Variants in DYNLRB1 observed in about 807,000 individuals in gnomAD.
DYNLRB1 encodes ROBL/LC7-like 1.
DYNLRB1 carries 6 observed loss-of-function variants against 13.5 expected under a neutral mutation model. The ratio of observed to expected loss-of-function variants is 0.44; its 90% CI spans 0.24 to 0.88. The LOEUF (loss-of-function observed/expected upper bound fraction) is 0.88, where lower values mean the gene tolerates loss of function less well. DYNLRB1 is among the 40% of genes least tolerant of loss of function. The pLI is 0.21. For synonymous variants in DYNLRB1, 43 were observed against 45.0 expected, an observed-to-expected ratio of 0.96 and a Z score of 0.18; for missense variants, 93 against 127.2, an observed-to-expected ratio of 0.73 and a Z score of 1.29.
At chr20:34,526,428 C>A in intron 2 of DYNLRB1, 85 bp downstream of exon 2, 1 of 1,353,452 alleles carries the variant, frequency 7.4e-7, no homozygotes, top group Non-Finnish European at 1.0e-6. Context: ...GTTCACTAAG[C>A]CCTTCATGAA....
intron 3 of DYNLRB1, chr20:34,535,558 C>T: frequency 1.1e-6 from 1 of 872,986 alleles, no homozygotes; most frequent in Non-Finnish European, 1.4e-6. Flanking sequence ...CGCTCTCACT[C>T]ATGGACTGGG....
intron 1 of DYNLRB1, among the ~76,000 whole-genome samples, chr20:34,525,522 T>C (rs1023725695): frequency 2.0e-4 from 30 of 152,052 alleles, no homozygotes; most frequent in Non-Finnish European, 2.9e-5. Context: ...ATGTCTTAGA[T>C]GGTCAAGAGG....
At chr20:34,517,840 G>A (rs2146609823) in intron 1 of DYNLRB1, among the ~76,000 whole-genome samples, 1 of 151,838 alleles carries the variant, frequency 6.6e-6, no homozygotes, top group African/African-American at 2.4e-5. Context: ...GTGTTAGTCC[G>A]CCTCAACACG....
At chr20:34,540,079 A>G (rs1193235186) in intron 3 of DYNLRB1, among the ~76,000 whole-genome samples, 1 of 152,256 alleles carries the variant, frequency 6.6e-6, no homozygotes, top group Non-Finnish European at 1.5e-5. Flanking sequence ...ACCTTAAGCC[A>G]GTGGTCCTCC....
intron 1 of DYNLRB1, among the ~76,000 whole-genome samples, chr20:34,518,835 T>TA (rs1979482277): frequency 6.6e-6 from 1 of 152,174 alleles, no homozygotes; most frequent in African/African-American, 2.4e-5. Flanking sequence ...GAACCTGTAT[T>TA]ATGCTACTCC....
intron 2 of DYNLRB1, among the ~76,000 whole-genome samples, chr20:34,528,343 A>C (rs1163139312): frequency 6.6e-6 from 1 of 150,556 alleles, no homozygotes. Flanking sequence ...AAAAAAAAAA[A>C]ACTACCCTAC....
chr20:34,540,661 A>C lies in DYNLRB1; in HGVS notation c.*37A>C, dbSNP rs1321932346. On this transcript the variant is annotated 3_prime_UTR_variant, in exon 4 of 4. Coordinates refer to ENST00000357156, the MANE Select transcript of DYNLRB1 (RefSeq NM_014183.4). ...GGCTCCCTGTGTCATTCCTTAATTT[A>C]ATGCCCCCCAAGAATGTTAATGTCA... 1 of 1,601,390 alleles carries C rather than the reference A, an allele frequency of 6.2e-7. No homozygotes were observed. The highest frequency in any genetic ancestry group is 8.5e-7 in the Non-Finnish European group (1 of 1,169,864).
chr20:34,536,971 C>A (rs1234682686), intron 3 of DYNLRB1, among the ~76,000 whole-genome samples: 1 of 152,144 alleles, frequency 6.6e-6, no homozygotes, highest in Non-Finnish European at 1.5e-5. Context: ...AAGCTCCTGG[C>A]CATTCAGGTC....
intron 3 of DYNLRB1, chr20:34,536,366 G>T (rs1381455962): frequency 1.0e-6 from 1 of 985,250 alleles, no homozygotes; most frequent in Non-Finnish European, 1.2e-6. Context: ...TGGGTTGGGG[G>T]AAAAAGCCTT....
At chr20:34,521,685 A>G (rs1979730130) in intron 1 of DYNLRB1, among the ~76,000 whole-genome samples, 1 of 152,164 alleles carries the variant, frequency 6.6e-6, no homozygotes, top group South Asian at 2.1e-4. Flanking sequence ...GAATTGGGGA[A>G]CCTTGTCTCC....
Position 34,526,349 on chromosome 20 carries a change from C to T in DYNLRB1, c.79+6C>T. ...CATCGTCGTGAACACAGAAGGTACGCCCTCCCTCCCGCCATGACCCGCACC... is the reference window on the plus strand; with the variant it reads ...CATCGTCGTGAACACAGAAGGTACGTCCTCCCTCCCGCCATGACCCGCACC... On this transcript the variant is annotated splice_donor_region_variant and intron_variant, in intron 2 of 3. Coordinates refer to ENST00000357156, the MANE Select transcript of DYNLRB1 (RefSeq NM_014183.4). 6.2e-7 allele frequency: 1 copy of T among 1,613,550 alleles called. No homozygotes were observed. Among genetic ancestry groups the T allele is most frequent in the Non-Finnish European group, 8.5e-7 (1 of 1,179,816 alleles).
chr20:34,532,075 T>C (rs1980757381), intron 2 of DYNLRB1, among the ~76,000 whole-genome samples: 1 of 152,190 alleles, frequency 6.6e-6, no homozygotes, highest in Non-Finnish European at 1.5e-5. Context: ...CCCAGGGCTC[T>C]ACCTGGGCTC....
At chr20:34,540,408 TA>T (rs1325884893) in intron 3 of DYNLRB1, among the ~76,000 whole-genome samples, 172 bp from the exon 4 acceptor site, 1 of 152,232 alleles carries the variant, frequency 6.6e-6, no homozygotes, top group Non-Finnish European at 1.5e-5. Context: ...GCAGGAATCT[TA>T]AAGGTTTATC....
intron 1 of DYNLRB1, chr20:34,516,757 T>C (rs949510422): frequency 4.5e-6 from 7 of 1,549,598 alleles, no homozygotes; most frequent in Non-Finnish European, 5.2e-6. Context: ...GCCTAGAGTT[T>C]TGGGGCCTTG....
rs1568595759 is a variant in DYNLRB1, at chr20:34,516,445, C to T, written c.-14C>T. 4 of 1,613,282 alleles carry T rather than the reference C, an allele frequency of 2.5e-6. No homozygotes were observed. The highest frequency in any genetic ancestry group is 1.7e-5 in the Admixed American group (1 of 59,966). ...CTAAGTGTTCGCTACGCGGGGCTACCGGATCGGTCGGAAATGGTGAGCGTG... is the reference window on the plus strand; with the variant it reads ...CTAAGTGTTCGCTACGCGGGGCTACTGGATCGGTCGGAAATGGTGAGCGTG... On this transcript the variant is annotated 5_prime_UTR_variant, in exon 1 of 4. Coordinates refer to ENST00000357156, the MANE Select transcript of DYNLRB1 (RefSeq NM_014183.4).
intron 1 of DYNLRB1, chr20:34,516,977 AC>A (rs984228492): frequency 1.5e-6 from 2 of 1,293,486 alleles, no homozygotes; most frequent in Non-Finnish European, 2.0e-6. Context: ...ATGGATTTGA[AC>A]CCTAGAAGCT....
Position 34,534,736 on chromosome 20 carries a change from A to G in DYNLRB1, c.188A>G (p.Gln63Arg). ...AGCACCGTGCGTGACATCGACCCCC[A>G]GAACGATCTCACCTTCCTTCGAATT... Reference protein sequence around the residue: ...ARSTVRDIDPQNDLTFLRIRS... With the variant: ...ARSTVRDIDPRNDLTFLRIRS... Residue 63 changes from glutamine to arginine, a missense_variant, in exon 3 of 4, where the codon CAG becomes CGG. By Grantham distance (43) the Gln-to-Arg change is conservative. Transcript: ENST00000357156. The G allele has an allele frequency of 6.2e-7, 1 of 1,614,116 alleles. No individual in the cohort carries two copies. Among genetic ancestry groups the G allele is most frequent in the Non-Finnish European group, 8.5e-7 (1 of 1,179,992 alleles).
intron 2 of DYNLRB1, among the ~76,000 whole-genome samples, chr20:34,532,623 A>C (rs1216911119): frequency 6.6e-6 from 1 of 152,170 alleles, no homozygotes; most frequent in Non-Finnish European, 1.5e-5. Context: ...GGAAGCTTCA[A>C]CTGTAGAGCA....
chr20:34,516,896 C>T (rs867352801), intron 1 of DYNLRB1: 1 of 1,477,212 alleles, frequency 6.8e-7, no homozygotes, highest in Non-Finnish European at 9.0e-7. Context: ...ATCTTTAGTC[C>T]CATTTTGTTA....
Sources: allele counts gnomAD v4.1 joint callset (sites outside exome capture counted in the v4.1 genomes callset), GRCh38; gene constraint gnomAD v4.1.1; transcripts MANE v1.5; gene names NCBI Gene and HGNC (gene_info 2026-07-23, HGNC 2026-07-21).